The following ERC1 variants were observed in gnomAD, a reference collection of about 807,000 sequenced individuals.
The protein encoded by ERC1 is RAB6 interacting protein 2.
Under a neutral mutation model 132.0 loss-of-function variants are expected in ERC1, and 56 were observed. That is an observed-to-expected ratio of 0.42 (90% CI 0.34 to 0.53). The LOEUF (loss-of-function observed/expected upper bound fraction) is 0.53. ERC1 is among the 20% of genes least tolerant of loss of function. ERC1 has a pLI of 0.03. For synonymous variants in ERC1, 478 were observed against 476.1 expected (o/e 1.00, Z -0.05); for missense variants, 1,202 against 1,349.9 (o/e 0.89, Z 1.72).
Position 1,490,510 on chromosome 12 carries a change from C to A in ERC1, c.*280C>A. 2.6e-6 allele frequency: 1 copy of A among 381,104 alleles called. No individual in the cohort carries two copies. The highest frequency in any genetic ancestry group is 7.1e-4 in the Middle Eastern group (1 of 1,416). 23.6% of individuals were successfully genotyped at this position (381,104 alleles called of 1,614,324 possible). A position where few individuals can be genotyped will look rare whatever the true frequency, so the allele number is the denominator to read the frequency against. On this transcript the variant is annotated 3_prime_UTR_variant, in exon 19 of 19. Transcript: ENST00000360905. Reference sequence around the variant, plus strand: ...CCACCTGGTCATCAGCAGTGGAGAACTGTGGGAGCTGGTGGCTCTGCCCTG... The same window carrying A: ...CCACCTGGTCATCAGCAGTGGAGAAATGTGGGAGCTGGTGGCTCTGCCCTG...
At chr12:1,185,506 T>G (rs540802064) in intron 11 of ERC1, among the ~76,000 whole-genome samples, 1 of 120,306 alleles carries the variant, frequency 8.3e-6, no homozygotes, top group South Asian at 2.3e-4. Context: ...TCTGTACTTT[T>G]CTTTCTTTCT....
At chr12:1,427,588 G>T (rs187320475) in intron 17 of ERC1, among the ~76,000 whole-genome samples, 2 of 152,052 alleles carry the variant, frequency 1.3e-5, no homozygotes, top group Non-Finnish European at 2.9e-5. Context: ...CCTACAGGGC[G>T]TTTGTATTAT....
chr12:1,001,300 C>T (rs950304484), intron 1 of ERC1, among the ~76,000 whole-genome samples: 3 of 152,120 alleles, frequency 2.0e-5, no homozygotes, highest in African/African-American at 7.2e-5. Context: ...TCAAATGATC[C>T]TCCTGTCTTG....
chr12:1,119,268 T>G (rs4365110), intron 7 of ERC1, among the ~76,000 whole-genome samples: 138,996 of 150,290 alleles, frequency 0.92, 64,828 homozygotes, highest in East Asian at 1. Context: ...GTTTTTTTTG[T>G]TTTTTTTTTC....
intron 12 of ERC1, among the ~76,000 whole-genome samples, chr12:1,234,558 G>A (rs1223194305): frequency 2.0e-5 from 3 of 152,152 alleles, no homozygotes; most frequent in East Asian, 3.8e-4. Context: ...GTTTTTTGTT[G>A]CTGTAGTTGG....
chr12:1,343,337 T>C (rs947891233), intron 15 of ERC1, among the ~76,000 whole-genome samples: 1 of 152,182 alleles, frequency 6.6e-6, no homozygotes, highest in African/African-American at 2.4e-5. Flanking sequence ...AGTTCATGGG[T>C]CATTCAAATT....
chr12:1,274,480 T>TTTTATTTTATTTATTTA (rs1555340356), intron 14 of ERC1, among the ~76,000 whole-genome samples: 29 of 150,224 alleles, frequency 1.9e-4, no homozygotes, highest in African/African-American at 6.4e-4. Flanking sequence ...TTTTATTTTA[T>TTTTATTTTATTTATTTA]TTTATTTATT....
chr12:1,141,536 T>C (rs1245586283), intron 7 of ERC1, 84 bp from the exon 8 acceptor site: 3 of 1,156,734 alleles, frequency 2.6e-6, no homozygotes, highest in African/African-American at 3.1e-5. Flanking sequence ...TCAACCTCTT[T>C]ATAACCTTTA....
At position 1,189,967 on chromosome 12, in the gene ERC1, G is replaced by A. The variant is rs1473595476; in HGVS notation, c.2266G>A (p.Ala756Thr). Reference sequence around the variant, plus strand: ...CAAAGATGAATCTAGCAAGGCCCAGGCAGAAGTTGATCGACTCTTAGAAAT... The same window carrying A: ...CAAAGATGAATCTAGCAAGGCCCAGACAGAAGTTGATCGACTCTTAGAAAT... ...RYKDESSKAQAEVDRLLEILK... is the reference protein window; with the variant it reads ...RYKDESSKAQTEVDRLLEILK... The change falls in exon 12 of 19, where the codon GCA becomes ACA. Residue 756 changes from alanine (A) to threonine (T), a missense_variant. Ala to Thr is a moderately conservative substitution (Grantham distance 58). Coordinates refer to ENST00000360905, the MANE Select transcript of ERC1 (RefSeq NM_178040.4). 6.2e-7 allele frequency: 1 copy of A among 1,614,094 alleles called. No homozygotes were observed. The highest frequency in any genetic ancestry group is 1.1e-5 in the South Asian group (1 of 91,088).
At chr12:1,031,362 CCTT>C (rs1035128341) in intron 2 of ERC1, among the ~76,000 whole-genome samples, 1 of 152,072 alleles carries the variant, frequency 6.6e-6, no homozygotes, top group African/African-American at 2.4e-5. Flanking sequence ...TATGCTGTGA[CCTT>C]CTTTTAGCTA....
At chr12:1,039,392 T>G (rs1408202500) in intron 2 of ERC1, among the ~76,000 whole-genome samples, 2 of 148,980 alleles carry the variant, frequency 1.3e-5, no homozygotes, top group Non-Finnish European at 3.0e-5. Context: ...TTAGCTGGCA[T>G]GGTGGTATGT....
At chr12:1,138,331 AAT>A (rs1033822861) in intron 7 of ERC1, among the ~76,000 whole-genome samples, 9 of 130,182 alleles carry the variant, frequency 6.9e-5, no homozygotes, top group African/African-American at 2.1e-4. Flanking sequence ...TGTTGTATAT[AAT>A]ATATGTTATA....
chr12:1,400,989 G>A (rs1362331608), intron 16 of ERC1, among the ~76,000 whole-genome samples: 1 of 127,126 alleles, frequency 7.9e-6, no homozygotes, highest in Non-Finnish European at 1.6e-5. Context: ...AGGCTGGAGT[G>A]CAGTGGCGTG....
intron 15 of ERC1, among the ~76,000 whole-genome samples, chr12:1,316,321 C>T (rs748225413): frequency 2.6e-5 from 4 of 152,168 alleles, no homozygotes; most frequent in African/African-American, 4.8e-5. Flanking sequence ...TTTCTTTTCT[C>T]TGTTAACCAT....
intron 8 of ERC1, among the ~76,000 whole-genome samples, chr12:1,148,397 C>T (rs943837118): frequency 2.6e-5 from 4 of 152,038 alleles, no homozygotes; most frequent in African/African-American, 9.7e-5. Flanking sequence ...ACACACATAT[C>T]ATGCAAATCT....
intron 13 of ERC1, among the ~76,000 whole-genome samples, chr12:1,245,382 G>A (rs980673637): frequency 6.6e-6 from 1 of 151,976 alleles, no homozygotes; most frequent in Non-Finnish European, 1.5e-5. Context: ...TTATTCTTTT[G>A]TCACTTCTTT....
At chr12:993,323 C>A (rs1311651690) in intron 1 of ERC1, among the ~76,000 whole-genome samples, 1 of 152,136 alleles carries the variant, frequency 6.6e-6, no homozygotes, top group African/African-American at 2.4e-5. Context: ...CTTGTGTGTA[C>A]TCCTAAAATG....
At chr12:1,370,161 G>T (rs1290712026) in intron 15 of ERC1, among the ~76,000 whole-genome samples, 3 of 152,166 alleles carry the variant, frequency 2.0e-5, no homozygotes, top group Non-Finnish European at 2.9e-5. Context: ...TTTCATAAAA[G>T]ATGAGCTACT....
At position 1,494,933 on chromosome 12, in the gene ERC1, G is replaced by A; in HGVS notation, c.*4703G>A. On this transcript the variant is annotated 3_prime_UTR_variant, in exon 19 of 19. Transcript: ENST00000360905. ...AGGTGGCCCTGGGCTGGCGGCTTAGGAAGCATGGAGCACACTTAGGGTAGT... is the reference window on the plus strand; with the variant it reads ...AGGTGGCCCTGGGCTGGCGGCTTAGAAAGCATGGAGCACACTTAGGGTAGT... The A allele has an allele frequency of 4.3e-6, 1 of 230,952 alleles. No individual in the cohort carries two copies. The highest frequency in any genetic ancestry group is 8.6e-6 in the Non-Finnish European group (1 of 116,624). The allele number at this position is 230,952 out of a possible 1,614,324, so 14.3% of individuals were successfully genotyped here. A position where few individuals can be genotyped will look rare whatever the true frequency, so the allele number is the denominator to read the frequency against.
Sources: allele counts gnomAD v4.1 joint callset (sites outside exome capture counted in the v4.1 genomes callset), GRCh38; gene constraint gnomAD v4.1.1; transcripts MANE v1.5; gene names NCBI Gene and HGNC (gene_info 2026-07-23, HGNC 2026-07-21).